Variants in KPNA6 observed in about 807,000 individuals in gnomAD.
KPNA6 encodes importin subunit alpha-7.
KPNA6 carries 9 observed loss-of-function variants against 72.0 expected under a neutral mutation model. That is an observed-to-expected ratio of 0.13 (90% CI 0.08 to 0.22). The LOEUF is 0.22. Ranked by LOEUF, KPNA6 falls within the 10% of genes least tolerant of loss-of-function variation. KPNA6 has a pLI of 1.00. For synonymous variants in KPNA6, 219 were observed against 242.1 expected, an observed-to-expected ratio of 0.90 and a Z score of 0.89; for missense variants, 374 against 655.7, an observed-to-expected ratio of 0.57 and a Z score of 4.69.
chr1:32,152,399 T>G lies in KPNA6; in HGVS notation c.5-2189T>G, dbSNP rs951567925. ...AATGGACATGATATTCAGAAAGCCA[T>G]GCACAATAATTTAAGAATACAGATT... On this transcript the variant is annotated intron_variant, in intron 1 of 13. Coordinates refer to ENST00000373625, the MANE Select transcript of KPNA6 (RefSeq NM_012316.5). Among the ~76,000 whole-genome samples, 76 of 152,136 alleles carry G rather than the reference T, an allele frequency of 5.0e-4. 5 individuals carry two copies. The highest frequency in any genetic ancestry group is 5.9e-5 in the Non-Finnish European group (4 of 68,026).
At chr1:32,162,338 C>A in intron 8 of KPNA6, 23 bp from the exon 9 acceptor site, 1 of 1,557,550 alleles carries the variant, frequency 6.4e-7, no homozygotes, top group South Asian at 1.2e-5. Flanking sequence ...CCCTGTGAGT[C>A]TTTCTCACTC....
At chr1:32,123,337 T>G (rs1641471755) in intron 1 of KPNA6, among the ~76,000 whole-genome samples, 1 of 152,134 alleles carries the variant, frequency 6.6e-6, no homozygotes, top group Non-Finnish European at 1.5e-5. Context: ...GTACCTGCCC[T>G]ATGACATATT....
chr1:32,123,967 G>C (rs537850408), intron 1 of KPNA6, among the ~76,000 whole-genome samples: 20 of 149,280 alleles, frequency 1.3e-4, no homozygotes, highest in Non-Finnish European at 2.4e-4. Context: ...CTGGGAGGTG[G>C]AGGTTGCAGT....
At chr1:32,120,333 C>G (rs1052559240) in intron 1 of KPNA6, among the ~76,000 whole-genome samples, 10 of 150,548 alleles carry the variant, frequency 6.6e-5, no homozygotes, top group African/African-American at 2.4e-4. Context: ...CAAGCCCTGC[C>G]TCCTTGGTTC....
intron 1 of KPNA6, among the ~76,000 whole-genome samples, chr1:32,143,589 AAAG>A (rs1358835829): frequency 2.0e-5 from 3 of 149,348 alleles, no homozygotes; most frequent in Non-Finnish European, 3.0e-5. Context: ...AAAAAAAAGA[AAAG>A]AAAAAAAAAT....
chr1:32,160,580 C>G, intron 6 of KPNA6, 35 bp from the exon 7 acceptor site: 1 of 1,556,982 alleles, frequency 6.4e-7, no homozygotes, highest in Non-Finnish European at 8.9e-7. Context: ...GAGTACCAAG[C>G]TTTGTGGGTG....
At chr1:32,152,902 G>C (rs1285087545) in intron 1 of KPNA6, among the ~76,000 whole-genome samples, 1 of 150,752 alleles carries the variant, frequency 6.6e-6, no homozygotes, top group Non-Finnish European at 1.5e-5. Context: ...TGCAATCCCA[G>C]CTGCTTGGGA....
intron 1 of KPNA6, among the ~76,000 whole-genome samples, chr1:32,115,418 C>T (rs1213454467): frequency 1.3e-5 from 2 of 152,056 alleles, no homozygotes; most frequent in Non-Finnish European, 2.9e-5. Flanking sequence ...GATTACAAGG[C>T]GTGAGCCACT....
chr1:32,146,525 ATAT>A (rs1172784143), intron 1 of KPNA6, among the ~76,000 whole-genome samples: 6 of 152,170 alleles, frequency 3.9e-5, no homozygotes, highest in Non-Finnish European at 7.3e-5. Context: ...ATTACACTTA[ATAT>A]TCTAACTTTA....
intron 1 of KPNA6, among the ~76,000 whole-genome samples, chr1:32,120,632 T>A (rs1442347355): frequency 6.6e-6 from 1 of 151,662 alleles, no homozygotes; most frequent in Non-Finnish European, 1.5e-5. Context: ...AGTGGCGTGA[T>A]CTCAGCTCAC....
At chr1:32,160,299 CAA>C (rs535456428) in intron 6 of KPNA6, among the ~76,000 whole-genome samples, 309 of 77,334 alleles carry the variant, frequency 4.0e-3, no homozygotes, top group East Asian at 9.2e-3. Flanking sequence ...GACTCCGTCT[CAA>C]AAAAAAAAAA....
chr1:32,147,895 A>G lies in KPNA6; in HGVS notation c.5-6693A>G, dbSNP rs967522755. Among the ~76,000 whole-genome samples, 4 of 151,942 alleles carry G rather than the reference A, an allele frequency of 2.6e-5. No homozygotes were observed. In the East Asian group the frequency reaches 5.8e-4, roughly 22 times the overall value. ...GGCTGTTCTTGAACTCTTGGTCTCC[A>G]ACGCAAGCCATTCGCCTGCCTTGGC... is the stretch of plus-strand genomic sequence containing the variant. On this transcript the variant is annotated intron_variant, in intron 1 of 13. Coordinates refer to ENST00000373625, the MANE Select transcript of KPNA6 (RefSeq NM_012316.5).
chr1:32,143,053 G>C, intron 1 of KPNA6: 4 of 1,203,386 alleles, frequency 3.3e-6, no homozygotes, highest in Non-Finnish European at 4.4e-6. Context: ...TCATAGTGCT[G>C]CCTTCAGAAA....
chr1:32,128,164 C>T (rs1168057741), intron 1 of KPNA6, among the ~76,000 whole-genome samples: 1 of 151,498 alleles, frequency 6.6e-6, no homozygotes. Flanking sequence ...CAAATGAGAT[C>T]GCTGGAAAAT....
intron 1 of KPNA6, among the ~76,000 whole-genome samples, chr1:32,152,030 TA>T (rs1386782296): frequency 2.6e-5 from 4 of 152,190 alleles, no homozygotes; most frequent in Non-Finnish European, 4.4e-5. Context: ...GAAACATTAA[TA>T]GAAGATTTGA....
chr1:32,145,150 G>A (rs1641908324), intron 1 of KPNA6, among the ~76,000 whole-genome samples: 1 of 151,116 alleles, frequency 6.6e-6, no homozygotes, highest in African/African-American at 2.4e-5. Flanking sequence ...TAGTAGAGGC[G>A]GGGTTTCACT....
intron 1 of KPNA6, among the ~76,000 whole-genome samples, chr1:32,147,653 T>TTC (rs1268855830): frequency 8.5e-5 from 9 of 105,400 alleles, no homozygotes; most frequent in African/African-American, 3.6e-4. Context: ...TTCTTTTCTT[T>TTC]TTTTTTTTTT....
At chr1:32,108,199 G>T (rs1485270117) in intron 1 of KPNA6, 65 bp downstream of exon 1, 3 of 1,606,862 alleles carry the variant, frequency 1.9e-6, no homozygotes, top group African/African-American at 1.3e-5. Flanking sequence ...GGGATTTGGC[G>T]AGAGCCTGTC....
intron 2 of KPNA6, 112 bp from the exon 3 acceptor site, chr1:32,156,741 T>C (rs1187118852): frequency 1.3e-6 from 1 of 770,100 alleles, no homozygotes. Context: ...TTGGCCTCAC[T>C]TCTCAGCTAC....
Sources: allele counts gnomAD v4.1 joint callset (sites outside exome capture counted in the v4.1 genomes callset), GRCh38; gene constraint gnomAD v4.1.1; transcripts MANE v1.5; gene names NCBI Gene and HGNC (gene_info 2026-07-23, HGNC 2026-07-21).